STPG2: variants seen among roughly 807,000 people sequenced by gnomAD.
STPG2 encodes the protein sperm-tail PG-rich repeat-containing protein 2.
Under a neutral mutation model 54.2 loss-of-function variants are expected in STPG2, and 56 were observed. The ratio of observed to expected loss-of-function variants is 1.03; its 90% CI spans 0.83 to 1.29. STPG2 has a LOEUF of 1.29. Among genes scored for constraint, STPG2 ranks in the 50% most tolerant of loss-of-function variants. The pLI, the probability that STPG2 is intolerant of heterozygous loss-of-function variation, is 0.00. For synonymous variants in STPG2, 200 were observed against 181.8 expected (o/e 1.10, Z -0.81); for missense variants, 596 against 544.9 (o/e 1.09, Z -0.93).
At chr4:97,839,173 C>A (rs1728720587) in intron 9 of STPG2, among the ~76,000 whole-genome samples, 1 of 151,562 alleles carries the variant, frequency 6.6e-6, no homozygotes, top group South Asian at 2.1e-4. Flanking sequence ...AGATCTTATA[C>A]TTCAAAGGAG....
At chr4:97,686,839 T>A (rs1723204231) in intron 10 of STPG2, among the ~76,000 whole-genome samples, 1 of 151,946 alleles carries the variant, frequency 6.6e-6, no homozygotes, top group African/African-American at 2.4e-5. Context: ...TCTCTAAAAT[T>A]ATTATTTTTT....
chr4:97,556,947 C>A (rs148124433), downstream of STPG2, among the ~76,000 whole-genome samples: 2,268 of 152,176 alleles, frequency 0.015, 52 homozygotes, highest in African/African-American at 0.052. Flanking sequence ...ACTTTGGGAG[C>A]CAAGGCAGGC....
intron 4 of STPG2, among the ~76,000 whole-genome samples, chr4:97,543,554 G>C (rs769878245): frequency 1.6e-4 from 25 of 152,000 alleles, no homozygotes; most frequent in Non-Finnish European, 2.4e-4. Flanking sequence ...AATTAAACAA[G>C]CTTCTATTTT....
intron 10 of STPG2, among the ~76,000 whole-genome samples, chr4:97,693,116 C>A (rs1723428659): frequency 7.0e-6 from 1 of 143,876 alleles, no homozygotes. Context: ...CTCACATGAC[C>A]AATAAAACAA....
chr4:97,997,368 AGG>A (rs1735274430), intron 5 of STPG2, among the ~76,000 whole-genome samples: 1 of 152,224 alleles, frequency 6.6e-6, no homozygotes, highest in South Asian at 2.1e-4. Flanking sequence ...TTATGGCAGA[AGG>A]CAAAGGGGGA....
chr4:98,079,597 C>T (rs1054197120), intron 5 of STPG2, among the ~76,000 whole-genome samples: 1 of 152,118 alleles, frequency 6.6e-6, no homozygotes, highest in Non-Finnish European at 1.5e-5. Context: ...AATTCTTAAA[C>T]AATATTACTA....
chr4:97,638,589 T>C (rs1177270971), intron 10 of STPG2, among the ~76,000 whole-genome samples: 12 of 148,720 alleles, frequency 8.1e-5, no homozygotes, highest in African/African-American at 3.0e-4. Flanking sequence ...TTTTGCAACC[T>C]ACTCATCTGA....
intron 10 of STPG2, among the ~76,000 whole-genome samples, chr4:97,625,794 T>C (rs769951053): frequency 2.6e-5 from 4 of 152,198 alleles, no homozygotes; most frequent in South Asian, 2.1e-4. Flanking sequence ...TGGAGATGAC[T>C]AGAGTGATAA....
At chr4:97,908,206 A>T (rs1489356529) in intron 8 of STPG2, among the ~76,000 whole-genome samples, 2 of 152,232 alleles carry the variant, frequency 1.3e-5, no homozygotes, top group East Asian at 1.9e-4. Flanking sequence ...TGGGCAAAGG[A>T]CATGAACACA....
At chr4:97,601,603 T>C (rs527836166) in intron 10 of STPG2, among the ~76,000 whole-genome samples, 1 of 152,096 alleles carries the variant, frequency 6.6e-6, no homozygotes, top group South Asian at 2.1e-4. Context: ...CTGATTTTTC[T>C]ATATGGTGTA....
At chr4:97,516,170 C>A (rs1398093864) in intron 4 of STPG2, among the ~76,000 whole-genome samples, 3 of 152,100 alleles carry the variant, frequency 2.0e-5, no homozygotes, top group Admixed American at 2.0e-4. Flanking sequence ...ATGGAGCTAC[C>A]TGATTCTGAG....
At chr4:97,472,592 A>G (rs770367989) in intron 4 of STPG2, among the ~76,000 whole-genome samples, 37 of 152,338 alleles carry the variant, frequency 2.4e-4, no homozygotes, top group South Asian at 4.1e-4. Context: ...TTCAGTAGAT[A>G]AACTAATTAT....
At chr4:98,112,860 A>G (rs1218451378) in intron 3 of STPG2, among the ~76,000 whole-genome samples, 3 of 152,088 alleles carry the variant, frequency 2.0e-5, no homozygotes, top group Admixed American at 2.0e-4. Flanking sequence ...GAAGGAGATA[A>G]TCATGATGCC....
intron 9 of STPG2, among the ~76,000 whole-genome samples, chr4:97,773,026 T>C (rs1726263690): frequency 6.6e-6 from 1 of 152,164 alleles, no homozygotes; most frequent in South Asian, 2.1e-4. Flanking sequence ...CACAACAATA[T>C]TCAAAAAGAG....
chr4:98,047,349 T>C (rs1484492911), intron 5 of STPG2, among the ~76,000 whole-genome samples: 1 of 151,804 alleles, frequency 6.6e-6, no homozygotes, highest in East Asian at 2.0e-4. Flanking sequence ...ATACACTTAT[T>C]TAAACTTCCC....
intron 7 of STPG2, among the ~76,000 whole-genome samples, chr4:97,951,335 C>A (rs558268762): frequency 2.0e-5 from 3 of 152,268 alleles, no homozygotes; most frequent in Non-Finnish European, 2.9e-5. Flanking sequence ...AGGCAGCAGG[C>A]AAGGAGAACC....
chr4:97,947,300 T>C (rs1252632978), intron 7 of STPG2, among the ~76,000 whole-genome samples: 1 of 152,100 alleles, frequency 6.6e-6, no homozygotes, highest in African/African-American at 2.4e-5. Flanking sequence ...AGTCAACACT[T>C]TTGAGAAATC....
intron 10 of STPG2, among the ~76,000 whole-genome samples, chr4:97,580,283 T>C (rs1021617318): frequency 6.6e-6 from 1 of 151,932 alleles, no homozygotes. Flanking sequence ...CCAGGTGACA[T>C]ACACATATAA....
intron 8 of STPG2, among the ~76,000 whole-genome samples, chr4:97,865,778 A>C (rs1729748064): frequency 6.6e-6 from 1 of 152,032 alleles, no homozygotes; most frequent in African/African-American, 2.4e-5. Flanking sequence ...GCAGCACACC[A>C]ACATGGCAGA....
Sources: allele counts gnomAD v4.1 joint callset (sites outside exome capture counted in the v4.1 genomes callset), GRCh38; gene constraint gnomAD v4.1.1; transcripts MANE v1.5; gene names NCBI Gene and HGNC (gene_info 2026-07-23, HGNC 2026-07-21).